The following TTC23 variants were observed in gnomAD, a reference collection of about 807,000 sequenced individuals.
TTC23 encodes tetratricopeptide repeat domain 23.
A neutral mutation model predicts 55.1 loss-of-function variants in TTC23; 58 were observed. The observed-to-expected ratio is 1.05, with a 90% CI of 0.85 to 1.31. The LOEUF (loss-of-function observed/expected upper bound fraction) is 1.31, where lower values mean the gene tolerates loss of function less well. Among genes scored for constraint, TTC23 ranks in the 50% most tolerant of loss-of-function variants. TTC23 has a pLI of 0.00. For synonymous variants in TTC23, 203 were observed against 199.9 expected (o/e 1.02, Z -0.13); for missense variants, 516 against 534.4 (o/e 0.97, Z 0.34).
chr15:99,175,250 A>G, intron 9 of TTC23, 95 bp from the exon 10 acceptor site: 1 of 948,726 alleles, frequency 1.1e-6, no homozygotes. Flanking sequence ...AAAGCCAAGG[A>G]ACTTTCCAGC....
At chr15:99,227,452 A>G (rs1380206110) in intron 5 of TTC23, among the ~76,000 whole-genome samples, 1 of 152,238 alleles carries the variant, frequency 6.6e-6, no homozygotes, top group East Asian at 1.9e-4. Context: ...TACTGCAAAT[A>G]TCCTCCTAAC....
intron 11 of TTC23, among the ~76,000 whole-genome samples, chr15:99,156,824 A>C (rs1003353985): frequency 2.0e-5 from 3 of 152,242 alleles, no homozygotes; most frequent in African/African-American, 4.8e-5. Flanking sequence ...ATGTGAGGAA[A>C]GGTGTAAACT....
chr15:99,155,899 A>C, intron 12 of TTC23: 3 of 543,472 alleles, frequency 5.5e-6, no homozygotes, highest in Non-Finnish European at 9.7e-6. Flanking sequence ...CAATTGTACT[A>C]CGTAAAAAAT....
At chr15:99,166,703 C>T (rs2072151845) in intron 10 of TTC23, among the ~76,000 whole-genome samples, 1 of 152,204 alleles carries the variant, frequency 6.6e-6, no homozygotes, top group Admixed American at 6.5e-5. Flanking sequence ...CTTTAAGTCC[C>T]TGGCTTCTCT....
At position 99,187,463 on chromosome 15, in the gene TTC23, A is replaced by AAAAAAG. The variant is rs1555512746; in HGVS notation, c.760-12309_760-12308insCTTTTT. ...GCCAAAAGCACAAGCAAAAAAAAAAAAAAAACAAAACAAAAGAAACCCAAC... is the reference window on the plus strand; with the variant it reads ...GCCAAAAGCACAAGCAAAAAAAAAAAAAAAAGAAAAACAAAACAAAAGAAACCCAAC... On this transcript the variant is annotated intron_variant, in intron 9 of 13. Coordinates refer to ENST00000394132, the MANE Select transcript of TTC23 (RefSeq NM_001288615.3). 3.4e-4 allele frequency among the ~76,000 whole-genome samples: 38 copies of AAAAAAG among 111,660 alleles called. 1 individual carries two copies. The highest frequency in any genetic ancestry group is 6.4e-4 in the Non-Finnish European group (29 of 45,092). 73.3% of individuals were successfully genotyped at this position (111,660 alleles called of 152,430 possible). A position where few individuals can be genotyped will look rare whatever the true frequency, so the allele number is the denominator to read the frequency against.
chr15:99,209,394 T>C (rs1472159442), intron 8 of TTC23, among the ~76,000 whole-genome samples: 1 of 152,228 alleles, frequency 6.6e-6, no homozygotes, highest in African/African-American at 2.4e-5. Context: ...TATCACCTGA[T>C]ACATACAGGT....
At chr15:99,196,391 T>C (rs555927461) in intron 9 of TTC23, among the ~76,000 whole-genome samples, 2 of 152,198 alleles carry the variant, frequency 1.3e-5, no homozygotes, top group Admixed American at 1.3e-4. Flanking sequence ...GTTTAATTTC[T>C]GGACATTTAC....
intron 8 of TTC23, among the ~76,000 whole-genome samples, chr15:99,208,280 T>G (rs1245549602): frequency 6.6e-6 from 1 of 152,096 alleles, no homozygotes; most frequent in Non-Finnish European, 1.5e-5. Flanking sequence ...ATATATATGC[T>G]ATACATATAC....
chr15:99,175,241 A>G (rs1038010048), intron 9 of TTC23, 86 bp from the exon 10 acceptor site: 5 of 1,080,848 alleles, frequency 4.6e-6, no homozygotes, highest in Non-Finnish European at 6.8e-6. Flanking sequence ...GATAAGCAGA[A>G]AGCCAAGGAA....
At chr15:99,183,521 T>A (rs1226391931) in intron 9 of TTC23, among the ~76,000 whole-genome samples, 16 of 109,316 alleles carry the variant, frequency 1.5e-4, no homozygotes, top group Admixed American at 1.9e-4. Flanking sequence ...TTTTTTTTTT[T>A]AGTAGATAAC....
At chr15:99,233,121 C>T (rs150113778) in intron 4 of TTC23, among the ~76,000 whole-genome samples, 22 of 152,132 alleles carry the variant, frequency 1.4e-4, no homozygotes, top group East Asian at 9.6e-4. Context: ...TGCTGGTTAG[C>T]GGAGGTTGTG....
intron 6 of TTC23, among the ~76,000 whole-genome samples, chr15:99,221,287 T>C (rs558233659): frequency 6.6e-6 from 1 of 152,308 alleles, no homozygotes; most frequent in East Asian, 1.9e-4. Context: ...AAAAATTTTT[T>C]CCCTTGAATT....
intron 9 of TTC23, among the ~76,000 whole-genome samples, chr15:99,179,142 G>C (rs116858752): frequency 0.035 from 5,377 of 152,238 alleles, 132 homozygotes; most frequent in Non-Finnish European, 0.056. Flanking sequence ...TCCAGCCAAC[G>C]ACCTAGCCAA....
chr15:99,199,605 G>C (rs2076036169), intron 9 of TTC23, among the ~76,000 whole-genome samples: 1 of 151,714 alleles, frequency 6.6e-6, no homozygotes, highest in Admixed American at 6.6e-5. Context: ...GAAGACTTTA[G>C]AATGTAGAAA....
chr15:99,210,550 A>C (rs748497112), intron 8 of TTC23, among the ~76,000 whole-genome samples: 9 of 152,244 alleles, frequency 5.9e-5, no homozygotes, highest in African/African-American at 9.6e-5. Flanking sequence ...GGAGAAGAGC[A>C]GGATGTTCTC....
chr15:99,155,254 C>A (rs2070378468), intron 12 of TTC23: 1 of 151,942 alleles, frequency 6.6e-6, no homozygotes, highest in South Asian at 2.1e-4. Context: ...ATATACAAAA[C>A]CTATATGAAG....
At chr15:99,152,479 C>T (rs782820964) in intron 12 of TTC23, among the ~76,000 whole-genome samples, 4 of 151,984 alleles carry the variant, frequency 2.6e-5, no homozygotes, top group East Asian at 1.9e-4. Flanking sequence ...CGAGTTCAAG[C>T]GACTCTCCTG....
chr15:99,217,158 CTCT>C (rs1374583942), intron 8 of TTC23, among the ~76,000 whole-genome samples: 3 of 130,414 alleles, frequency 2.3e-5, no homozygotes, highest in Non-Finnish European at 3.4e-5. Flanking sequence ...TTCTTTTTTT[CTCT>C]TCTTTTTTTT....
intron 8 of TTC23, among the ~76,000 whole-genome samples, chr15:99,207,880 T>C (rs182706525): frequency 1.4e-4 from 21 of 152,290 alleles, no homozygotes; most frequent in African/African-American, 5.1e-4. Flanking sequence ...GACACATAAA[T>C]TGTTAGAAAG....
Sources: gnomAD v4.1 joint callset for allele counts (sites outside exome capture counted in the v4.1 genomes callset) on GRCh38, gnomAD v4.1.1 for gene constraint, MANE v1.5 for transcripts, NCBI Gene and HGNC (gene_info 2026-07-23, HGNC 2026-07-21) for gene names.